The following OPCML variants were observed in gnomAD, a reference collection of about 807,000 sequenced individuals.
OPCML encodes the protein opioid-binding protein/cell adhesion molecule.
OPCML carries 13 observed loss-of-function variants against 37.8 expected under a neutral mutation model. The ratio of observed to expected loss-of-function variants is 0.34; its 90% CI spans 0.22 to 0.55. The LOEUF (loss-of-function observed/expected upper bound fraction) is 0.55. Ranked by LOEUF, OPCML falls within the 20% of genes least tolerant of loss-of-function variation. OPCML has a pLI of 0.91. For synonymous variants in OPCML, 176 were observed against 168.8 expected (o/e 1.04, Z -0.33); for missense variants, 341 against 435.6 (o/e 0.78, Z 1.93).
chr11:132,756,218 G>A (rs184156938), intron 2 of OPCML, among the ~76,000 whole-genome samples: 3 of 152,248 alleles, frequency 2.0e-5, no homozygotes, highest in East Asian at 1.9e-4. Context: ...CCTTCTTCCC[G>A]AGTTCTTGAA....
intron 1 of OPCML, among the ~76,000 whole-genome samples, chr11:133,288,851 C>G (rs185725064): frequency 6.6e-6 from 1 of 152,204 alleles, no homozygotes; most frequent in African/African-American, 2.4e-5. Context: ...GCCAAAGGCT[C>G]ATGGTAATTA....
At chr11:132,930,677 T>C (rs899987690) in intron 2 of OPCML, among the ~76,000 whole-genome samples, 1 of 152,144 alleles carries the variant, frequency 6.6e-6, no homozygotes, top group Non-Finnish European at 1.5e-5. Context: ...GTATGTACAC[T>C]GAAACATCAA....
At chr11:133,386,130 G>A (rs1945044008) in intron 1 of OPCML, among the ~76,000 whole-genome samples, 1 of 152,148 alleles carries the variant, frequency 6.6e-6, no homozygotes, top group African/African-American at 2.4e-5. Context: ...GCAGCACGGA[G>A]GCGAATGAAA....
chr11:133,256,245 A>G (rs1295240275), intron 1 of OPCML, among the ~76,000 whole-genome samples: 1 of 152,220 alleles, frequency 6.6e-6, no homozygotes. Flanking sequence ...AACTGTTTGG[A>G]GTTCATCTGG....
chr11:132,936,953 A>G (rs1945398568), intron 2 of OPCML, among the ~76,000 whole-genome samples: 1 of 152,208 alleles, frequency 6.6e-6, no homozygotes, highest in Admixed American at 6.5e-5. Flanking sequence ...GTTAAAAAAA[A>G]GGAAGAAAGA....
At chr11:132,776,588 C>T (rs919563886) in intron 2 of OPCML, among the ~76,000 whole-genome samples, 2 of 151,906 alleles carry the variant, frequency 1.3e-5, no homozygotes, top group African/African-American at 4.8e-5. Flanking sequence ...TCTCTCTCGC[C>T]CCTGCTTGGG....
intron 4 of OPCML, among the ~76,000 whole-genome samples, chr11:132,455,688 T>C (rs772579840): frequency 6.6e-6 from 1 of 152,248 alleles, no homozygotes; most frequent in Non-Finnish European, 1.5e-5. Flanking sequence ...AAAGCAGTTC[T>C]CTTGTGTTTA....
intron 1 of OPCML, among the ~76,000 whole-genome samples, chr11:132,961,099 A>G (rs1946083798): frequency 6.6e-6 from 1 of 152,188 alleles, no homozygotes; most frequent in African/African-American, 2.4e-5. Flanking sequence ...AACCCTCGGC[A>G]TCCTCATCGT....
chr11:132,481,216 G>A (rs932209316), intron 4 of OPCML, among the ~76,000 whole-genome samples: 4 of 152,060 alleles, frequency 2.6e-5, no homozygotes, highest in Non-Finnish European at 4.4e-5. Flanking sequence ...CAAAATAAAG[G>A]GATGGAGGAA....
At chr11:132,884,556 G>A (rs183431742) in intron 2 of OPCML, among the ~76,000 whole-genome samples, 288 of 152,308 alleles carry the variant, frequency 1.9e-3, no homozygotes, top group African/African-American at 5.6e-3. Flanking sequence ...GGAATTCTGT[G>A]AATATATAGC....
Position 133,239,510 on chromosome 11 carries a change from C to T in OPCML, c.61+292754G>A, listed in dbSNP as rs546125832. Reference sequence around the variant, plus strand: ...GAGCTGTGCTCCCTGCAGCCAGGGCCTCAGCCCCAGCCTCAGGTGCAAAGT... The same window carrying T: ...GAGCTGTGCTCCCTGCAGCCAGGGCTTCAGCCCCAGCCTCAGGTGCAAAGT... On this transcript the variant is annotated intron_variant, in intron 1 of 7. Coordinates refer to ENST00000524381, the MANE Select transcript of OPCML (RefSeq NM_001012393.5). Among the ~76,000 whole-genome samples the T allele has an allele frequency of 2.6e-5, 4 of 152,352 alleles. No individual in the cohort carries two copies. In the East Asian group the frequency reaches 7.7e-4, roughly 29 times the overall value.
chr11:133,141,544 G>T (rs559593149), intron 1 of OPCML, among the ~76,000 whole-genome samples: 2 of 152,140 alleles, frequency 1.3e-5, no homozygotes, highest in South Asian at 4.2e-4. Flanking sequence ...ATTACCTACA[G>T]ATGACGGCAG....
chr11:132,885,638 C>A (rs1318806956), intron 2 of OPCML, among the ~76,000 whole-genome samples: 5 of 152,120 alleles, frequency 3.3e-5, no homozygotes, highest in African/African-American at 1.2e-4. Context: ...ATAATTTTTA[C>A]TGTCTTTGTG....
At chr11:132,492,523 G>T (rs911080784) in intron 4 of OPCML, among the ~76,000 whole-genome samples, 1 of 151,970 alleles carries the variant, frequency 6.6e-6, no homozygotes, top group Non-Finnish European at 1.5e-5. Flanking sequence ...TGTTGTTGTC[G>T]TTGTTGTTGT....
At chr11:132,771,092 CA>C (rs1172248735) in intron 2 of OPCML, among the ~76,000 whole-genome samples, 3 of 152,146 alleles carry the variant, frequency 2.0e-5, no homozygotes, top group Non-Finnish European at 4.4e-5. Flanking sequence ...GAAGAGCAAC[CA>C]ACTTTAACCT....
rs532277878 is a variant in OPCML, at chr11:132,630,289, G to A, written c.379+26798C>T. On this transcript the variant is annotated intron_variant, in intron 3 of 7. Coordinates refer to ENST00000524381, the MANE Select transcript of OPCML (RefSeq NM_001012393.5). ...TGAAGAAATGGTAGGACTGGGCACC[G>A]TGGCTCACACCTGTAATCCCAGCAC... Among the ~76,000 whole-genome samples the A allele has an allele frequency of 1.3e-4, 20 of 152,296 alleles. No homozygotes were observed. In the South Asian group the frequency reaches 2.7e-3, roughly 20 times the overall value.
In OPCML at chr11:133,174,476, T is replaced by C. The variant is rs886164489; in HGVS notation, c.62-231466A>G. ...GTTAGAATAACATACCAACATTTAA[T>C]TGTAATGACGTAAAGGTGATTATGA... is the stretch of plus-strand genomic sequence containing the variant. On this transcript the variant is annotated intron_variant, in intron 1 of 7. Coordinates refer to ENST00000524381, the MANE Select transcript of OPCML (RefSeq NM_001012393.5). This position sits in a 1 kb window ranked among gnomAD's most constrained non-coding sequence, Gnocchi z 4.6. 3.3e-5 allele frequency among the ~76,000 whole-genome samples: 5 copies of C among 152,164 alleles called. No individual in the cohort carries two copies. The highest frequency in any genetic ancestry group is 5.9e-5 in the Non-Finnish European group (4 of 68,032).
chr11:132,814,813 C>T (rs1010826005), intron 2 of OPCML, among the ~76,000 whole-genome samples: 1 of 152,028 alleles, frequency 6.6e-6, no homozygotes, highest in Non-Finnish European at 1.5e-5. Flanking sequence ...CTTCAGACTC[C>T]AATGAAATAG....
chr11:133,182,345 A>G (rs1275672672), intron 1 of OPCML, among the ~76,000 whole-genome samples: 1 of 152,234 alleles, frequency 6.6e-6, no homozygotes, highest in African/African-American at 2.4e-5. Flanking sequence ...CCTTTATAAA[A>G]TGCAAAGAAG....
Sources: gnomAD v4.1 joint callset for allele counts (sites outside exome capture counted in the v4.1 genomes callset) on GRCh38, gnomAD v4.1.1 for gene constraint, Gnocchi (gnomAD v3.1) non-coding constraint, MANE v1.5 for transcripts, NCBI Gene and HGNC (gene_info 2026-07-23, HGNC 2026-07-21) for gene names.